Variants in ABRAXAS2 observed in about 807,000 individuals in gnomAD.
ABRAXAS2 encodes BRISC complex subunit Abraxas 2.
Under a neutral mutation model 49.0 loss-of-function variants are expected in ABRAXAS2, and 23 were observed. The observed-to-expected ratio is 0.47, with a 90% CI of 0.34 to 0.66. The LOEUF is 0.66. Ranked by LOEUF, ABRAXAS2 falls within the 30% of genes least tolerant of loss-of-function variation. ABRAXAS2 has a pLI of 0.01. For missense variants in ABRAXAS2, 443 were observed against 511.9 expected (o/e 0.87, Z 1.30); for synonymous variants, 168 against 180.2 (o/e 0.93, Z 0.54).
chr10:124,810,315 C>T (rs919128531), intron 2 of ABRAXAS2, among the ~76,000 whole-genome samples: 7 of 152,058 alleles, frequency 4.6e-5, no homozygotes, highest in African/African-American at 1.4e-4. Flanking sequence ...GGCTTGAGGC[C>T]GGGAGTTCAA....
At position 124,829,359 on chromosome 10, in the gene ABRAXAS2, A is replaced by G. The variant is rs372299645; in HGVS notation, c.579-34A>G. The G allele has an allele frequency of 2.1e-6, 3 of 1,438,836 alleles. No individual in the cohort carries two copies. In the African/African-American group the frequency reaches 4.2e-5, roughly 20 times the overall value. The allele number at this position is 1,438,836 out of a possible 1,614,324, so 89.1% of individuals were successfully genotyped here. A position where few individuals can be genotyped will look rare whatever the true frequency, so the allele number is the denominator to read the frequency against. On this transcript the variant is annotated intron_variant, in intron 6 of 8. Transcript: ENST00000298492. ...TTTCCATTTCACCGCAGTTATGATA[A>G]CCTTGAGGCATCTTTTTTCTGTTTG...
At position 124,805,914 on chromosome 10, in the gene ABRAXAS2, G is replaced by C. The variant is rs115670916; in HGVS notation, c.73-917G>C. The stretch of plus-strand genomic sequence containing the variant: ...CCCAGCTGTGCTTGTGCAGAACATG[G>C]CGCAAGTACACAAAGAGTAGGTAAT... On this transcript the variant is annotated intron_variant, in intron 1 of 8. Transcript: ENST00000298492. Among the ~76,000 whole-genome samples the C allele has an allele frequency of 6.5e-3, 983 of 152,250 alleles. 13 individuals carry two copies. The highest frequency in any genetic ancestry group is 0.023 in the African/African-American group (957 of 41,548).
intron 7 of ABRAXAS2, 67 bp downstream of exon 7, chr10:124,829,544 T>C: frequency 9.3e-7 from 1 of 1,073,552 alleles, no homozygotes; most frequent in Non-Finnish European, 1.4e-6. Context: ...TCTACTTTAA[T>C]TTTGAATTGT....
chr10:124,834,410 T>C (rs2134175244), intron 8 of ABRAXAS2, 92 bp from the exon 9 acceptor site: 1 of 1,080,600 alleles, frequency 9.3e-7, no homozygotes. Flanking sequence ...TCACTGCTAT[T>C]TTCCAGAACA....
intron 3 of ABRAXAS2, among the ~76,000 whole-genome samples, chr10:124,817,140 T>A (rs959363005): frequency 6.6e-6 from 1 of 152,108 alleles, no homozygotes; most frequent in Non-Finnish European, 1.5e-5. Flanking sequence ...CAGTAAGAGA[T>A]GATTGAAGTT....
At chr10:124,803,770 A>C (rs750393887) in intron 1 of ABRAXAS2, among the ~76,000 whole-genome samples, 1 of 152,116 alleles carries the variant, frequency 6.6e-6, no homozygotes, top group Non-Finnish European at 1.5e-5. Context: ...GCGTGGTGGC[A>C]CATGCCTGTA....
In ABRAXAS2 at chr10:124,834,691, C is replaced by A; in HGVS notation, c.968C>A (p.Ser323Tyr). The part of the protein sequence containing the change: ...PNNQESTLSH[S>Y]RMERSVFMPR... ...AATCAAGAAAGTACTTTGAGCCACT[C>A]TCGCATGGAAAGGAGTGTCTTTATG... The change falls in exon 9 of 9, where the codon TCT (serine) becomes TAT (tyrosine). Residue 323 changes from serine to tyrosine, a missense_variant. Coordinates refer to ENST00000298492, the MANE Select transcript of ABRAXAS2 (RefSeq NM_032182.4). 2 of 1,614,130 alleles carry A rather than the reference C, an allele frequency of 1.2e-6. No homozygotes were observed. The highest frequency in any genetic ancestry group is 1.7e-6 in the Non-Finnish European group (2 of 1,180,026).
intron 6 of ABRAXAS2, among the ~76,000 whole-genome samples, chr10:124,829,180 C>T (rs1950915116): frequency 1.3e-5 from 2 of 152,082 alleles, no homozygotes; most frequent in African/African-American, 4.8e-5. Flanking sequence ...CTGAAAAATA[C>T]ATAGCTTTTT....
rs747202296 is a variant in ABRAXAS2 at position 124,828,706 on chromosome 10, A to T, written c.459-50A>T. On this transcript the variant is annotated intron_variant, in intron 5 of 8. Transcript: ENST00000298492. Reference sequence around the variant, plus strand: ...TTTTTAGACTGTCAGTCTCACTTGAATATGATAGAATGGTACATTTAACAT... The same window carrying T: ...TTTTTAGACTGTCAGTCTCACTTGATTATGATAGAATGGTACATTTAACAT... 4 of 1,577,334 alleles carry T rather than the reference A, an allele frequency of 2.5e-6. No individual in the cohort carries two copies. The East Asian group carries it at 9.0e-5, about 35-fold the overall frequency.
Position 124,826,680 on chromosome 10 carries a change from G to T in ABRAXAS2, c.353G>T (p.Arg118Leu), listed in dbSNP as rs140695652. The change falls in exon 5 of 9, where the codon CGC becomes CTC. Residue 118 changes from arginine to leucine, a missense_variant. Arg to Leu is a moderately radical substitution (Grantham distance 102, BLOSUM62 -2). Coordinates refer to ENST00000298492, the MANE Select transcript of ABRAXAS2 (RefSeq NM_032182.4). ...CAGGTTCTTCACAAGCAGCTCACCC[G>T]CATCCTCGGCGTGCCCGACCTCGTC... Reference protein sequence around the residue: ...REQVLHKQLTRILGVPDLVFL... With the variant: ...REQVLHKQLTLILGVPDLVFL... 2.5e-6 allele frequency: 4 copies of T among 1,614,140 alleles called. No homozygotes were observed.
chr10:124,823,206 AT>A (rs1950873673), intron 4 of ABRAXAS2, among the ~76,000 whole-genome samples: 1 of 152,202 alleles, frequency 6.6e-6, no homozygotes. Context: ...CAGAGATGAT[AT>A]ATAACACTTA....
At chr10:124,805,190 G>A (rs555652201) in intron 1 of ABRAXAS2, among the ~76,000 whole-genome samples, 44 of 151,912 alleles carry the variant, frequency 2.9e-4, no homozygotes, top group African/African-American at 7.0e-4. Flanking sequence ...AAAATTAGCC[G>A]GGCGCGGTGG....
intron 3 of ABRAXAS2, 57 bp downstream of exon 3, chr10:124,816,669 T>G: frequency 7.5e-7 from 1 of 1,327,860 alleles, no homozygotes. Flanking sequence ...TAAAAAAAAC[T>G]AGTGAATTTT....
rs752864083 is a variant in ABRAXAS2, at chr10:124,834,536, G to A, written c.813G>A (p.Pro271=). ...AGGCAGTGTTAAGCAGACAGATGCCGTCTGAAAGCTTGGACCCAGCGTTCA... is the reference window on the plus strand; with the variant it reads ...AGGCAGTGTTAAGCAGACAGATGCCATCTGAAAGCTTGGACCCAGCGTTCA... ...LQQAVLSRQM[P]SESLDPAFSP... is the part of the protein sequence containing the mutation. Residue 271 remains proline, a synonymous_variant, in exon 9 of 9, where the codon CCG becomes CCA. Transcript: ENST00000298492. The A allele has an allele frequency of 1.5e-5, 25 of 1,613,974 alleles. No individual in the cohort carries two copies. Among genetic ancestry groups the A allele is most frequent in the African/African-American group, 2.7e-5 (2 of 74,896 alleles).
chr10:124,829,598 G>C, intron 7 of ABRAXAS2, 121 bp downstream of exon 7: 1 of 651,644 alleles, frequency 1.5e-6, no homozygotes, highest in Non-Finnish European at 2.6e-6. Context: ...GTCAGAATCT[G>C]CTTTCCCAGA....
chr10:124,827,279 C>T (rs1384362504), intron 5 of ABRAXAS2, among the ~76,000 whole-genome samples: 1 of 151,030 alleles, frequency 6.6e-6, no homozygotes, highest in Non-Finnish European at 1.5e-5. Context: ...CTTGCCTCAG[C>T]CTCTCGAGTA....
At chr10:124,810,525 TAAAAG>T (rs1218932241) in intron 2 of ABRAXAS2, among the ~76,000 whole-genome samples, 4 of 151,748 alleles carry the variant, frequency 2.6e-5, no homozygotes, top group Non-Finnish European at 5.9e-5. Context: ...GATCTCATCT[TAAAAG>T]AAAAAAGACT....
At chr10:124,803,405 A>G (rs1160459013) in intron 1 of ABRAXAS2, among the ~76,000 whole-genome samples, 8 of 152,328 alleles carry the variant, frequency 5.3e-5, no homozygotes, top group South Asian at 4.1e-4. Flanking sequence ...AGAACCAACA[A>G]TTTACTTTTG....
At chr10:124,811,382 C>G (rs774033041) in intron 2 of ABRAXAS2, among the ~76,000 whole-genome samples, 1 of 152,082 alleles carries the variant, frequency 6.6e-6, no homozygotes, top group Non-Finnish European at 1.5e-5. Flanking sequence ...CCTCTCTTAC[C>G]TGGCATGATC....
Sources: allele counts gnomAD v4.1 joint callset (sites outside exome capture counted in the v4.1 genomes callset), GRCh38; gene constraint gnomAD v4.1.1; transcripts MANE v1.5; gene names NCBI Gene and HGNC (gene_info 2026-07-23, HGNC 2026-07-21).